ZNF106: variants seen among roughly 807,000 people sequenced by gnomAD.
ZNF106 encodes the protein zinc finger protein 106, also known as SH3-domain binding protein 3.
ZNF106 carries 67 observed loss-of-function variants against 195.1 expected under a neutral mutation model. The ratio of observed to expected loss-of-function variants is 0.34; its 90% CI spans 0.28 to 0.42. The LOEUF is 0.42. ZNF106 is among the 10% of genes least tolerant of loss of function. The pLI is 1.00. For missense variants in ZNF106, 2,118 were observed against 2,304.5 expected, an observed-to-expected ratio of 0.92 and a Z score of 1.66; for synonymous variants, 784 against 818.6, an observed-to-expected ratio of 0.96 and a Z score of 0.72.
chr15:42,471,074 ATT>A (rs1463323900), intron 2 of ZNF106, among the ~76,000 whole-genome samples: 2 of 152,184 alleles, frequency 1.3e-5, no homozygotes, highest in African/African-American at 4.8e-5. Flanking sequence ...CAGTCCTGCT[ATT>A]CCCAAGGCAA....
Position 42,450,061 on chromosome 15 carries a change from AG to A in ZNF106, c.2210del (p.Pro737LeufsTer6). ...CAAGCTTACTTAGTTCAGGCAGGAG[AG>A]GGCCCGAGGGCTGACTGATGTCACT... ...QKSDISQPSG[P>X]LLPELSKLGF... On this transcript the variant is annotated frameshift_variant, in exon 5 of 22. Coordinates refer to ENST00000564754, the MANE Select transcript of ZNF106 (RefSeq NM_001366845.3). LOFTEE classifies it high-confidence loss of function. 1 of 1,614,184 alleles carries A rather than the reference AG, an allele frequency of 6.2e-7. No individual in the cohort carries two copies. Among genetic ancestry groups the A allele is most frequent in the Non-Finnish European group, 8.5e-7 (1 of 1,180,028 alleles).
At chr15:42,428,663 G>C (rs374626207) in intron 14 of ZNF106, among the ~76,000 whole-genome samples, 1 of 152,190 alleles carries the variant, frequency 6.6e-6, no homozygotes, top group African/African-American at 2.4e-5. Context: ...CCATCCCTGA[G>C]ACTCTTAATT....
intron 3 of ZNF106, 195 bp from the exon 4 acceptor site, chr15:42,457,353 T>G: frequency 7.0e-7 from 1 of 1,432,496 alleles, no homozygotes; most frequent in African/African-American, 1.4e-5. Context: ...ATTTTAAGAT[T>G]CTTTTCCAGC....
chr15:42,472,456 G>C (rs752085918), intron 1 of ZNF106, 135 bp from the exon 2 acceptor site: 3 of 604,702 alleles, frequency 5.0e-6, no homozygotes, highest in Non-Finnish European at 8.4e-6. Context: ...CCGTTTCCAG[G>C]TGCATAGGGT....
At chr15:42,456,891 G>A in intron 4 of ZNF106, 67 bp downstream of exon 4, 1 of 1,440,500 alleles carries the variant, frequency 6.9e-7, no homozygotes, top group Non-Finnish European at 9.5e-7. Context: ...CCAGTACAAA[G>A]ATATAAAATA....
chr15:42,462,946 C>T (rs557816765), intron 3 of ZNF106, among the ~76,000 whole-genome samples: 12 of 143,048 alleles, frequency 8.4e-5, no homozygotes, highest in African/African-American at 2.8e-4. Flanking sequence ...CCACACCTGG[C>T]TTTTTTTTGT....
intron 10 of ZNF106, 129 bp from the exon 11 acceptor site, chr15:42,439,942 C>G: frequency 3.2e-6 from 3 of 933,772 alleles, no homozygotes; most frequent in Non-Finnish European, 4.6e-6. Context: ...GGTATCTCAC[C>G]CCTCAGTTTC....
At chr15:42,433,129 G>T (rs1049246384) in intron 14 of ZNF106, among the ~76,000 whole-genome samples, 1 of 151,428 alleles carries the variant, frequency 6.6e-6, no homozygotes, top group Non-Finnish European at 1.5e-5. Flanking sequence ...TTTTTGAGAC[G>T]GAGTCTTGCT....
At chr15:42,466,917 G>A (rs967393449) in intron 2 of ZNF106, among the ~76,000 whole-genome samples, 2 of 152,082 alleles carry the variant, frequency 1.3e-5, no homozygotes, top group African/African-American at 4.8e-5. Context: ...GGCAGATCAC[G>A]AAGTCAGGAG....
At chr15:42,488,628 C>T (rs2057068122) in intron 1 of ZNF106, among the ~76,000 whole-genome samples, 1 of 152,212 alleles carries the variant, frequency 6.6e-6, no homozygotes, top group African/African-American at 2.4e-5. Flanking sequence ...ACATAGACTT[C>T]TCACTGAGCC....
At chr15:42,422,437 A>C in intron 18 of ZNF106, 64 bp downstream of exon 18, 1 of 1,572,262 alleles carries the variant, frequency 6.4e-7, no homozygotes, top group Non-Finnish European at 8.6e-7. Flanking sequence ...TCAAAAATCA[A>C]CACTAAACCC....
At chr15:42,444,545 C>A (rs189106990) in intron 8 of ZNF106, among the ~76,000 whole-genome samples, 73 of 151,832 alleles carry the variant, frequency 4.8e-4, no homozygotes, top group Admixed American at 1.3e-3. Context: ...CACATCCCGC[C>A]CCCTGGCTGT....
intron 1 of ZNF106, among the ~76,000 whole-genome samples, chr15:42,484,695 G>A (rs1372161595): frequency 2.0e-5 from 3 of 152,116 alleles, no homozygotes; most frequent in South Asian, 4.1e-4. Flanking sequence ...CCAAGATCAT[G>A]CCACTGTACT....
chr15:42,467,146 G>T (rs1225907066), intron 2 of ZNF106, among the ~76,000 whole-genome samples: 1 of 151,840 alleles, frequency 6.6e-6, no homozygotes, highest in Non-Finnish European at 1.5e-5. Context: ...AAAGAAAAAA[G>T]AAAAAACATG....
At chr15:42,490,606 A>G (rs938311517) in intron 1 of ZNF106, among the ~76,000 whole-genome samples, 1 of 152,206 alleles carries the variant, frequency 6.6e-6, no homozygotes, top group Admixed American at 6.5e-5. Context: ...CAGTCGCGAG[A>G]GGTTGAAATG....
intron 15 of ZNF106, among the ~76,000 whole-genome samples, chr15:42,426,471 C>T (rs2141274255): frequency 6.6e-6 from 1 of 151,772 alleles, no homozygotes; most frequent in Admixed American, 6.6e-5. Flanking sequence ...GTGATTATAG[C>T]TCACTGCAGC....
At position 42,449,930 on chromosome 15, in the gene ZNF106, C is replaced by T. The variant is rs558564710; in HGVS notation, c.2342G>A (p.Arg781His). The change falls in exon 5 of 22, where the codon CGC (arginine) becomes CAC (histidine). Residue 781 changes from arginine to histidine, a missense_variant. Coordinates refer to ENST00000564754, the MANE Select transcript of ZNF106 (RefSeq NM_001366845.3). ...ACTCTTTCGGTGACCGCTAATATTG[C>T]GAATGCGGCGGGCACTATTGAGGTT... Reference protein sequence around the residue: ...EPNLNSARRIRNISGHRKSET... With the variant: ...EPNLNSARRIHNISGHRKSET... The T allele has an allele frequency of 1.8e-5, 29 of 1,614,118 alleles. No homozygotes were observed. The highest frequency in any genetic ancestry group is 3.3e-5 in the South Asian group (3 of 91,082).
rs919842509 is a variant in ZNF106, at chr15:42,414,322, A to C, written c.*2982T>G. The C allele has an allele frequency of 6.6e-6, 1 of 152,234 alleles. No individual in the cohort carries two copies. The highest frequency in any genetic ancestry group is 6.5e-5 in the Admixed American group (1 of 15,286). 9.4% of individuals were successfully genotyped at this position (152,234 alleles called of 1,614,324 possible). A position where few individuals can be genotyped will look rare whatever the true frequency, so the allele number is the denominator to read the frequency against. On this transcript the variant is annotated 3_prime_UTR_variant, in exon 22 of 22. Coordinates refer to ENST00000564754, the MANE Select transcript of ZNF106 (RefSeq NM_001366845.3). ...AGTAACACACAGCCATAAGCAGCCA[A>C]AATGCTTATGGTCCCTTTATTTCTT... is the stretch of plus-strand genomic sequence containing the variant.
intron 17 of ZNF106, among the ~76,000 whole-genome samples, chr15:42,423,278 G>A (rs980681351): frequency 1.3e-5 from 2 of 151,980 alleles, no homozygotes; most frequent in African/African-American, 4.8e-5. Context: ...GCTGAGGTGG[G>A]AGGATCCCTT....
Sources: allele counts gnomAD v4.1 joint callset (sites outside exome capture counted in the v4.1 genomes callset), GRCh38; gene constraint gnomAD v4.1.1; transcripts MANE v1.5; gene names NCBI Gene and HGNC (gene_info 2026-07-23, HGNC 2026-07-21).